The following DYNC2I2 variants were observed in gnomAD, a reference collection of about 807,000 sequenced individuals.
DYNC2I2 encodes the protein dynein 2 intermediate chain 2, also known as cytoplasmic dynein 2 intermediate chain 2.
A neutral mutation model predicts 52.0 loss-of-function variants in DYNC2I2; 39 were observed. The ratio of observed to expected loss-of-function variants is 0.75; its 90% CI spans 0.58 to 0.98. The LOEUF is 0.98. Among genes scored for constraint, DYNC2I2 ranks in the 50% least tolerant of loss-of-function variants. The probability of loss-of-function intolerance (pLI) is 0.00; values close to 1 mark genes in which losing one functional copy is unlikely to be tolerated. For missense variants in DYNC2I2, 743 were observed against 728.4 expected (o/e 1.02, Z -0.23); for synonymous variants, 359 against 321.1 (o/e 1.12, Z -1.26).
the DYNC2I2 span, among the ~76,000 whole-genome samples, chr9:128,680,163 C>T: frequency 6.6e-6 from 1 of 151,934 alleles, no homozygotes; most frequent in African/African-American, 2.4e-5. Flanking sequence ...CGGGTTCAAG[C>T]GATTTTTGTG....
At chr9:128,678,134 A>G in the DYNC2I2 span, among the ~76,000 whole-genome samples, 1 of 150,888 alleles carries the variant, frequency 6.6e-6, no homozygotes, top group Non-Finnish European at 1.5e-5. Flanking sequence ...CAATGGTGCA[A>G]TCTTGGCTCA....
At chr9:128,667,859 AGT>A in the DYNC2I2 span, among the ~76,000 whole-genome samples, 3 of 142,062 alleles carry the variant, frequency 2.1e-5, no homozygotes, top group East Asian at 6.3e-4. Flanking sequence ...CAGCCTCCCG[AGT>A]AGCTGGGACT....
chr9:128,634,938 G>C lies in DYNC2I2; in HGVS notation c.982-17C>G. The C allele has an allele frequency of 6.2e-7, 1 of 1,610,326 alleles. No homozygotes were observed. The highest frequency in any genetic ancestry group is 1.1e-5 in the South Asian group (1 of 90,900). ...GCGGGGATGCTGTGGAGAAATGGCA[G>C]CAGCAGGGTCAGAGCCAAGGGCATC... is the stretch of plus-strand genomic sequence containing the variant. On this transcript the variant is annotated splice_polypyrimidine_tract_variant and intron_variant, in intron 6 of 8. Transcript: ENST00000372715.
chr9:128,636,629 C>T (rs1164445766), intron 3 of DYNC2I2, among the ~76,000 whole-genome samples, 191 bp from the exon 4 acceptor site: 2 of 152,144 alleles, frequency 1.3e-5, no homozygotes, highest in African/African-American at 4.8e-5. Flanking sequence ...AAAATGGTCC[C>T]CAGGCACCAA....
upstream of DYNC2I2, among the ~76,000 whole-genome samples, chr9:128,661,808 G>A (rs190144264): frequency 3.3e-3 from 507 of 151,980 alleles, 2 homozygotes; most frequent in African/African-American, 0.012. Flanking sequence ...TTGGGAGGCC[G>A]AGGTAGGCGG....
In DYNC2I2 at chr9:128,634,746, A is replaced by G; in HGVS notation, c.1157T>C (p.Phe386Ser). 6.2e-7 allele frequency: 1 copy of G among 1,602,106 alleles called. No homozygotes were observed. Among genetic ancestry groups the G allele is most frequent in the Non-Finnish European group, 8.5e-7 (1 of 1,174,952 alleles). The change falls in exon 7 of 9, where the codon TTT becomes TCT. Residue 386 changes from phenylalanine (F) to serine (S), a missense_variant. Physicochemically the swap from Phe to Ser is radical, Grantham distance 155. Coordinates refer to ENST00000372715, the MANE Select transcript of DYNC2I2 (RefSeq NM_052844.4). ...SSVPLRAPAQFTFSPHGGPIY... is the reference protein window; with the variant it reads ...SSVPLRAPAQSTFSPHGGPIY... Reference sequence around the variant, plus strand: ...GGGACCGCCGTGGGGGGAGAAGGTAAACTGTGCTGGGGCCCGCAGGGGCAC... The same window carrying G: ...GGGACCGCCGTGGGGGGAGAAGGTAGACTGTGCTGGGGCCCGCAGGGGCAC...
chr9:128,680,439 G>T, the DYNC2I2 span, among the ~76,000 whole-genome samples: 47 of 151,894 alleles, frequency 3.1e-4, no homozygotes, highest in African/African-American at 1.1e-3. Flanking sequence ...GTGCAGTGGC[G>T]CGATCTCGGC....
chr9:128,671,018 G>A, the DYNC2I2 span, among the ~76,000 whole-genome samples: 2 of 144,728 alleles, frequency 1.4e-5, no homozygotes, highest in Non-Finnish European at 3.0e-5. Context: ...AGTGAGCCCA[G>A]ATTGCACCAT....
At chr9:128,641,000 C>G (rs930757586) in intron 1 of DYNC2I2, 61 bp from the exon 2 acceptor site, 28 of 1,509,368 alleles carry the variant, frequency 1.9e-5, no homozygotes, top group Non-Finnish European at 2.4e-5. Flanking sequence ...CCCCACCCAG[C>G]CCCCTGCCTG....
the DYNC2I2 span, among the ~76,000 whole-genome samples, chr9:128,682,911 C>T: frequency 6.6e-6 from 1 of 151,218 alleles, no homozygotes; most frequent in Non-Finnish European, 1.5e-5. Flanking sequence ...TTCCTGACCT[C>T]GTGATCCGCC....
intron 7 of DYNC2I2, 38 bp downstream of exon 7, chr9:128,634,651 A>G (rs1182039415): frequency 1.3e-6 from 2 of 1,484,624 alleles, no homozygotes; most frequent in Admixed American, 4.5e-5. Flanking sequence ...GGGCAGGGAC[A>G]CCCTGGCCCC....
chr9:128,664,016 G>A, the DYNC2I2 span, among the ~76,000 whole-genome samples: 2 of 140,654 alleles, frequency 1.4e-5, no homozygotes, highest in African/African-American at 5.5e-5. Context: ...GGAGTGCAAT[G>A]GCGTGGTCTT....
At chr9:128,683,549 C>G in the DYNC2I2 span, 4 of 261,076 alleles carry the variant, frequency 1.5e-5, no homozygotes, top group Admixed American at 2.1e-4. Flanking sequence ...GGTTTGGGAA[C>G]GAACTGGGGG....
chr9:128,636,260 C>T (rs778861611), intron 4 of DYNC2I2, 21 bp downstream of exon 4: 17 of 1,555,476 alleles, frequency 1.1e-5, no homozygotes, highest in African/African-American at 8.2e-5. Context: ...GGAGAGGAGG[C>T]GGACACAGCA....
At chr9:128,639,598 AG>A (rs1476128356) in intron 2 of DYNC2I2, among the ~76,000 whole-genome samples, 1 of 151,994 alleles carries the variant, frequency 6.6e-6, no homozygotes, top group Non-Finnish European at 1.5e-5. Flanking sequence ...TATGTCACTT[AG>A]CCTCTCTCAG....
At chr9:128,679,256 T>C in the DYNC2I2 span, among the ~76,000 whole-genome samples, 1 of 152,248 alleles carries the variant, frequency 6.6e-6, no homozygotes, top group East Asian at 1.9e-4. Flanking sequence ...CAGGCTCGCT[T>C]GCCCTTTGTA....
chr9:128,645,070 G>A (rs1860588831), intron 1 of DYNC2I2, among the ~76,000 whole-genome samples: 3 of 152,096 alleles, frequency 2.0e-5, no homozygotes, highest in Non-Finnish European at 4.4e-5. Context: ...AGCCAATTAG[G>A]CCAGGCGCAG....
intron 1 of DYNC2I2, among the ~76,000 whole-genome samples, chr9:128,647,133 A>C (rs1282516685): frequency 2.0e-5 from 3 of 152,330 alleles, no homozygotes; most frequent in Non-Finnish European, 4.4e-5. Context: ...CTCAAAAAAC[A>C]AACACACAAA....
chr9:128,640,453 T>A (rs947469387), intron 2 of DYNC2I2, among the ~76,000 whole-genome samples: 2 of 152,210 alleles, frequency 1.3e-5, no homozygotes, highest in Admixed American at 1.3e-4. Context: ...TACTTCCATA[T>A]AGGGTGTCCA....
Sources: gnomAD v4.1 joint callset for allele counts (sites outside exome capture counted in the v4.1 genomes callset) on GRCh38, gnomAD v4.1.1 for gene constraint, MANE v1.5 for transcripts, NCBI Gene and HGNC (gene_info 2026-07-23, HGNC 2026-07-21) for gene names.